PRELID2: variants seen among roughly 807,000 people sequenced by gnomAD.
The protein encoded by PRELID2 is PRELI domain containing 2.
A neutral mutation model predicts 28.4 loss-of-function variants in PRELID2; 25 were observed. That is an observed-to-expected ratio of 0.88 (90% CI 0.64 to 1.23). The LOEUF (loss-of-function observed/expected upper bound fraction) is 1.23, where lower values mean the gene tolerates loss of function less well. Ranked by LOEUF, PRELID2 falls within the 50% of genes most tolerant of loss-of-function variation. The probability of loss-of-function intolerance (pLI) is 0.00; values close to 1 mark genes in which losing one functional copy is unlikely to be tolerated. For missense variants in PRELID2, 201 were observed against 214.4 expected (o/e 0.94, Z 0.39); for synonymous variants, 76 against 71.6 (o/e 1.06, Z -0.31).
At chr5:145,519,279 G>C (rs1358640913) in intron 1 of PRELID2, among the ~76,000 whole-genome samples, 13 of 152,158 alleles carry the variant, frequency 8.5e-5, no homozygotes, top group Admixed American at 2.0e-4. Flanking sequence ...AATTTAAGAG[G>C]TATCTTGAAT....
the PRELID2 span, among the ~76,000 whole-genome samples, chr5:145,337,390 T>C: frequency 3.3e-5 from 5 of 151,780 alleles, no homozygotes; most frequent in Admixed American, 2.6e-4. Flanking sequence ...CTTGGTGTCC[T>C]GTAATAATTC....
intron 4 of PRELID2, among the ~76,000 whole-genome samples, chr5:145,797,836 G>A (rs1257569605): frequency 6.6e-6 from 1 of 151,750 alleles, no homozygotes; most frequent in African/African-American, 2.4e-5. Flanking sequence ...AGGAAACATG[G>A]CCCAATCAAA....
the PRELID2 span, among the ~76,000 whole-genome samples, chr5:145,319,469 G>C: frequency 6.6e-6 from 1 of 152,006 alleles, no homozygotes; most frequent in Non-Finnish European, 1.5e-5. Flanking sequence ...AGGAGTTTGA[G>C]ACCAGCCTGG....
chr5:145,392,028 CT>C, the PRELID2 span, among the ~76,000 whole-genome samples: 1 of 152,142 alleles, frequency 6.6e-6, no homozygotes, highest in African/African-American at 2.4e-5. Flanking sequence ...ATTTTCCTGT[CT>C]TCTTCTGGGC....
the PRELID2 span, among the ~76,000 whole-genome samples, chr5:145,402,498 T>G: frequency 1.3e-5 from 2 of 152,188 alleles, no homozygotes; most frequent in African/African-American, 4.8e-5. Flanking sequence ...AGGAAAATTG[T>G]AAAGGAAAAT....
At chr5:145,339,762 G>A in the PRELID2 span, among the ~76,000 whole-genome samples, 57 of 152,266 alleles carry the variant, frequency 3.7e-4, no homozygotes, top group Middle Eastern at 6.8e-3. Flanking sequence ...CTCCAGCTGA[G>A]AGGGGCTTTA....
chr5:145,668,785 C>T (rs1159226051), intron 1 of PRELID2, among the ~76,000 whole-genome samples: 2 of 152,168 alleles, frequency 1.3e-5, no homozygotes, highest in African/African-American at 4.8e-5. Flanking sequence ...CTTTCATCTA[C>T]AAATCAGAAA....
the PRELID2 span, among the ~76,000 whole-genome samples, chr5:145,395,629 G>A: frequency 1.3e-5 from 2 of 152,042 alleles, no homozygotes; most frequent in Admixed American, 6.6e-5. Flanking sequence ...TATAAAGGAC[G>A]AACACGTTTG....
intron 1 of PRELID2, among the ~76,000 whole-genome samples, chr5:145,608,262 G>T (rs1753538642): frequency 6.6e-6 from 1 of 152,070 alleles, no homozygotes. Context: ...ATATTGATTT[G>T]TGCAGATTTG....
At chr5:145,479,937 A>G (rs1254574904) in intron 1 of PRELID2, among the ~76,000 whole-genome samples, 6 of 152,220 alleles carry the variant, frequency 3.9e-5, no homozygotes, top group Non-Finnish European at 7.3e-5. Flanking sequence ...GATATCTACA[A>G]TCAAAAGACT....
chr5:145,356,966 G>T, the PRELID2 span, among the ~76,000 whole-genome samples: 1 of 152,066 alleles, frequency 6.6e-6, no homozygotes, highest in African/African-American at 2.4e-5. Flanking sequence ...CTGCTTGTCT[G>T]AAAAAAATCT....
intron 1 of PRELID2, among the ~76,000 whole-genome samples, chr5:145,485,889 C>T (rs1752212852): frequency 6.6e-6 from 1 of 152,154 alleles, no homozygotes; most frequent in Admixed American, 6.6e-5. Context: ...TTAATTGAAA[C>T]TTTTATGTTA....
chr5:145,650,706 T>C (rs2149670672), intron 1 of PRELID2, among the ~76,000 whole-genome samples: 1 of 151,898 alleles, frequency 6.6e-6, no homozygotes, highest in East Asian at 1.9e-4. Flanking sequence ...GAAAAAAACC[T>C]AGAACCTGAA....
At chr5:145,314,284 C>A in the PRELID2 span, among the ~76,000 whole-genome samples, 1 of 152,306 alleles carries the variant, frequency 6.6e-6, no homozygotes, top group South Asian at 2.1e-4. Context: ...TTTTTAATCT[C>A]ACTCTATCTT....
intron 1 of PRELID2, among the ~76,000 whole-genome samples, chr5:145,698,269 C>T (rs1755327027): frequency 6.6e-6 from 1 of 152,102 alleles, no homozygotes; most frequent in South Asian, 2.1e-4. Flanking sequence ...GTACCAATTG[C>T]CTTACCTGTA....
chr5:145,395,070 T>C, the PRELID2 span, among the ~76,000 whole-genome samples: 1 of 152,110 alleles, frequency 6.6e-6, no homozygotes, highest in Admixed American at 6.6e-5. Context: ...CTGCTAATAG[T>C]AAATATTTAT....
At chr5:145,489,680 C>T (rs1752250368) in intron 1 of PRELID2, among the ~76,000 whole-genome samples, 1 of 152,134 alleles carries the variant, frequency 6.6e-6, no homozygotes, top group African/African-American at 2.4e-5. Context: ...ATCACCTGTA[C>T]CTTCAGTGTT....
intron 1 of PRELID2, among the ~76,000 whole-genome samples, chr5:145,584,854 A>C (rs1392319356): frequency 6.6e-6 from 1 of 152,216 alleles, no homozygotes; most frequent in East Asian, 1.9e-4. Context: ...GAATTAGTTC[A>C]ACCGTGGTAG....
chr5:145,613,718 G>A (rs1561520061), intron 1 of PRELID2, among the ~76,000 whole-genome samples: 1 of 151,986 alleles, frequency 6.6e-6, no homozygotes, highest in African/African-American at 2.4e-5. Context: ...GTAGATTTTG[G>A]ATATTAGTCT....
Sources: allele counts gnomAD v4.1 joint callset (sites outside exome capture counted in the v4.1 genomes callset), GRCh38; gene constraint gnomAD v4.1.1; transcripts MANE v1.5; gene names NCBI Gene and HGNC (gene_info 2026-07-23, HGNC 2026-07-21).